SLC35D4: variants seen among roughly 807,000 people sequenced by gnomAD.
SLC35D4 encodes the protein solute carrier family 35 member D4, also known as UDP-N-acetylglucosamine transporter SLC35D4.
At chr18:23,249,206 G>A in the SLC35D4 span, among the ~76,000 whole-genome samples, 5 of 152,242 alleles carry the variant, frequency 3.3e-5, no homozygotes, top group Non-Finnish European at 7.3e-5. Context: ...AGCCAGAATT[G>A]TTTTTGGAAT....
At chr18:23,369,571 C>T in the SLC35D4 span, among the ~76,000 whole-genome samples, 1 of 152,200 alleles carries the variant, frequency 6.6e-6, no homozygotes, top group African/African-American at 2.4e-5. Context: ...CTTGATGCAG[C>T]CGATTGGCAC....
At chr18:23,283,729 A>G in the SLC35D4 span, among the ~76,000 whole-genome samples, 1 of 151,256 alleles carries the variant, frequency 6.6e-6, no homozygotes, top group African/African-American at 2.4e-5. Flanking sequence ...GAATCACTTG[A>G]GCCTGGGAGG....
At chr18:23,329,808 A>G in the SLC35D4 span, among the ~76,000 whole-genome samples, 4 of 152,232 alleles carry the variant, frequency 2.6e-5, no homozygotes, top group African/African-American at 9.6e-5. Flanking sequence ...AACTAACCCC[A>G]ATGTCCATCA....
the SLC35D4 span, among the ~76,000 whole-genome samples, chr18:23,300,343 G>A: frequency 2.0e-5 from 3 of 152,162 alleles, no homozygotes; most frequent in Non-Finnish European, 4.4e-5. Context: ...AGGGCTGCAC[G>A]GAGCTTTGGG....
chr18:23,418,779 G>T, the SLC35D4 span, among the ~76,000 whole-genome samples: 1 of 151,864 alleles, frequency 6.6e-6, no homozygotes, highest in African/African-American at 2.4e-5. Context: ...AGGCCGAAGC[G>T]GGTGGATCAC....
the SLC35D4 span, among the ~76,000 whole-genome samples, chr18:23,347,096 A>G: frequency 3.3e-5 from 5 of 152,266 alleles, no homozygotes; most frequent in Middle Eastern, 3.4e-3. Flanking sequence ...TCTTCTTTAA[A>G]TATTTGATAG....
At chr18:23,371,940 T>TTTTGTTTTTTG in the SLC35D4 span, among the ~76,000 whole-genome samples, 12 of 24,586 alleles carry the variant, frequency 4.9e-4, no homozygotes, top group Non-Finnish European at 1.2e-3. Context: ...TTTTTGTTTT[T>TTTTGTTTTTTG]TTTTTTTTTT....
At chr18:23,424,632 C>T in the SLC35D4 span, among the ~76,000 whole-genome samples, 8 of 152,142 alleles carry the variant, frequency 5.3e-5, no homozygotes, top group East Asian at 1.9e-4. Context: ...ACCAAAAAAA[C>T]GCTTGCTACT....
the SLC35D4 span, among the ~76,000 whole-genome samples, chr18:23,240,233 G>T: frequency 6.6e-6 from 1 of 152,218 alleles, no homozygotes; most frequent in Non-Finnish European, 1.5e-5. Context: ...AGCACTGAGG[G>T]CTGAGAGTGG....
chr18:23,393,404 C>T, the SLC35D4 span, among the ~76,000 whole-genome samples: 2 of 152,146 alleles, frequency 1.3e-5, no homozygotes, highest in Non-Finnish European at 2.9e-5. Context: ...TAAACACTAT[C>T]TCTTCATTCT....
chr18:23,324,366 C>T, the SLC35D4 span, among the ~76,000 whole-genome samples: 6 of 152,158 alleles, frequency 3.9e-5, no homozygotes, highest in Non-Finnish European at 8.8e-5. Flanking sequence ...TCATGGGAAT[C>T]GAGCTAAGAC....
chr18:23,367,934 T>G, the SLC35D4 span, among the ~76,000 whole-genome samples: 148 of 152,258 alleles, frequency 9.7e-4, no homozygotes, highest in Middle Eastern at 3.4e-3. Context: ...TAAATTATAA[T>G]GAAGAAATTC....
the SLC35D4 span, among the ~76,000 whole-genome samples, chr18:23,343,297 C>T: frequency 5.9e-5 from 9 of 151,684 alleles, no homozygotes; most frequent in South Asian, 2.1e-4. Flanking sequence ...TCACTCTTGT[C>T]GCCCAGGCTA....
At chr18:23,250,916 A>T in the SLC35D4 span, among the ~76,000 whole-genome samples, 308 of 152,330 alleles carry the variant, frequency 2.0e-3, 1 homozygote, top group African/African-American at 6.9e-3. Context: ...CATCAAGATC[A>T]CTTGAACGGG....
the SLC35D4 span, among the ~76,000 whole-genome samples, chr18:23,288,704 T>A: frequency 6.6e-6 from 1 of 152,286 alleles, no homozygotes; most frequent in African/African-American, 2.4e-5. Context: ...ATTTCTTCCC[T>A]CTGTCAGACA....
At chr18:23,436,052 TTGAAACTGA>T in the SLC35D4 span, among the ~76,000 whole-genome samples, 1 of 148,790 alleles carries the variant, frequency 6.7e-6, no homozygotes, top group Non-Finnish European at 1.5e-5. Flanking sequence ...TTTTTTTTTT[TTGAAACTGA>T]GTCTTGCTCT....
At chr18:23,357,488 C>T in the SLC35D4 span, among the ~76,000 whole-genome samples, 1 of 152,234 alleles carries the variant, frequency 6.6e-6, no homozygotes, top group Non-Finnish European at 1.5e-5. Context: ...GATAGCTTGT[C>T]TTCCAAATCT....
At chr18:23,284,580 A>G in the SLC35D4 span, among the ~76,000 whole-genome samples, 1 of 152,194 alleles carries the variant, frequency 6.6e-6, no homozygotes, top group African/African-American at 2.4e-5. Context: ...CTGTCTCCCT[A>G]TAATGTATAT....
the SLC35D4 span, among the ~76,000 whole-genome samples, chr18:23,351,934 T>C: frequency 3.3e-5 from 5 of 152,228 alleles, no homozygotes; most frequent in Non-Finnish European, 5.9e-5. Context: ...ACTTGAGCTC[T>C]GGACACCTGC....
Sources: allele counts gnomAD v4.1 joint callset (sites outside exome capture counted in the v4.1 genomes callset), GRCh38; gene constraint gnomAD v4.1.1; transcripts MANE v1.5; gene names NCBI Gene and HGNC (gene_info 2026-07-23, HGNC 2026-07-21).